The following ARHGAP28 variants were observed in gnomAD, a reference collection of about 807,000 sequenced individuals.
ARHGAP28 encodes the protein rho GTPase-activating protein 28.
Under a neutral mutation model 90.7 loss-of-function variants are expected in ARHGAP28, and 56 were observed. That is an observed-to-expected ratio of 0.62 (90% CI 0.50 to 0.77). The LOEUF is 0.77. Among genes scored for constraint, ARHGAP28 ranks in the 30% least tolerant of loss-of-function variants. ARHGAP28 has a pLI of 0.00. For missense variants in ARHGAP28, 869 were observed against 900.9 expected (o/e 0.96, Z 0.45); for synonymous variants, 308 against 323.3 (o/e 0.95, Z 0.51).
chr18:6,749,661 G>A (rs2056053406), intron 1 of ARHGAP28, among the ~76,000 whole-genome samples: 2 of 152,114 alleles, frequency 1.3e-5, no homozygotes, highest in Admixed American at 6.5e-5. Context: ...GCGAGAGATA[G>A]CTTATATGTA....
chr18:6,827,638 C>A (rs1178233013), intron 2 of ARHGAP28, among the ~76,000 whole-genome samples: 8 of 57,286 alleles, frequency 1.4e-4, no homozygotes, highest in Middle Eastern at 0.011. Context: ...GGCAGGGGGG[C>A]TGACCCCCCC....
intron 3 of ARHGAP28, among the ~76,000 whole-genome samples, chr18:6,841,144 GTCTCTCTCCTCTTTCTCTCTCTCC>G (rs1468927094): frequency 1.2e-5 from 1 of 83,146 alleles, no homozygotes; most frequent in Non-Finnish European, 2.4e-5. Context: ...CTCTCTCACT[GTCTCTCTCCTCTTTCTCTCTCTCC>G]TCTCTCTCTC....
At chr18:6,746,238 G>A (rs2056022138) in intron 1 of ARHGAP28, among the ~76,000 whole-genome samples, 1 of 152,112 alleles carries the variant, frequency 6.6e-6, no homozygotes, top group Admixed American at 6.5e-5. Flanking sequence ...TGTTCTTTAG[G>A]CAGGAAGTCA....
rs551563835 is a variant in ARHGAP28 at position 6,793,603 on chromosome 18, C to T, written c.123-31159C>T. Among the ~76,000 whole-genome samples, 6 of 152,230 alleles carry T rather than the reference C, an allele frequency of 3.9e-5. No homozygotes were observed. The South Asian group carries it at 1.2e-3, about 32-fold the overall frequency. ...CTTTCCCTATTCACCCTTTTCCCTC[C>T]ACCTTCATACATATGTAAAGTCATA... is the stretch of plus-strand genomic sequence containing the variant. On this transcript the variant is annotated intron_variant, in intron 1 of 17. Transcript: ENST00000383472.
chr18:6,766,746 G>A (rs530923445), intron 1 of ARHGAP28, among the ~76,000 whole-genome samples: 2 of 152,134 alleles, frequency 1.3e-5, no homozygotes, highest in Non-Finnish European at 2.9e-5. Context: ...TGTGGCTCCT[G>A]TTTACCTTAA....
intron 1 of ARHGAP28, among the ~76,000 whole-genome samples, chr18:6,776,818 C>T (rs1327521104): frequency 6.6e-6 from 1 of 152,132 alleles, no homozygotes; most frequent in African/African-American, 2.4e-5. Context: ...CTTTCTTAAC[C>T]GCTATAATAT....
intron 3 of ARHGAP28, among the ~76,000 whole-genome samples, chr18:6,839,404 C>A (rs1419900566): frequency 1.3e-5 from 2 of 151,594 alleles, no homozygotes; most frequent in Non-Finnish European, 2.9e-5. Context: ...CGCCATTCTC[C>A]CCCCTCAGCC....
intron 1 of ARHGAP28, among the ~76,000 whole-genome samples, chr18:6,786,548 C>T (rs1050880601): frequency 3.3e-5 from 5 of 152,164 alleles, no homozygotes; most frequent in African/African-American, 4.8e-5. Context: ...TCCAACCACA[C>T]GCCCCCCAGC....
chr18:6,793,025 T>C (rs1052587384), intron 1 of ARHGAP28, among the ~76,000 whole-genome samples: 1 of 152,222 alleles, frequency 6.6e-6, no homozygotes, highest in Admixed American at 6.5e-5. Flanking sequence ...AACTTATTAT[T>C]CTGCATGATT....
chr18:6,825,114 AT>A, intron 2 of ARHGAP28, 150 bp downstream of exon 2: 1 of 817,962 alleles, frequency 1.2e-6, no homozygotes, highest in Non-Finnish European at 1.8e-6. Flanking sequence ...CCACTGATTG[AT>A]TTATATCTAC....
At chr18:6,854,940 G>A (rs763054176) in intron 4 of ARHGAP28, among the ~76,000 whole-genome samples, 8 of 152,146 alleles carry the variant, frequency 5.3e-5, no homozygotes, top group African/African-American at 7.2e-5. Context: ...AACCCCCCAC[G>A]GTGTGCACAT....
At chr18:6,741,008 T>A (rs2055972397) in intron 1 of ARHGAP28, among the ~76,000 whole-genome samples, 1 of 152,200 alleles carries the variant, frequency 6.6e-6, no homozygotes. Flanking sequence ...GCTCCCTGAC[T>A]GGGTATGGAG....
At chr18:6,894,314 GGT>G (rs2057289245) in intron 14 of ARHGAP28, among the ~76,000 whole-genome samples, 1 of 152,134 alleles carries the variant, frequency 6.6e-6, no homozygotes, top group African/African-American at 2.4e-5. Flanking sequence ...CCAACGGCAG[GGT>G]GTGTGTACAG....
At chr18:6,861,555 C>A (rs1014330950) in intron 5 of ARHGAP28, among the ~76,000 whole-genome samples, 1 of 152,128 alleles carries the variant, frequency 6.6e-6, no homozygotes, top group Admixed American at 6.5e-5. Context: ...CTGGCTTTAA[C>A]ACCCCCAGCA....
intron 3 of ARHGAP28, 36 bp downstream of exon 3, chr18:6,837,450 T>G: frequency 3.1e-4 from 408 of 1,315,050 alleles, no homozygotes; most frequent in Non-Finnish European, 3.9e-4. Context: ...AAAAGGCGCC[T>G]AGTTTGACTG....
chr18:6,881,706 C>A (rs928761767), intron 10 of ARHGAP28, among the ~76,000 whole-genome samples: 13 of 152,098 alleles, frequency 8.5e-5, no homozygotes, highest in African/African-American at 2.9e-4. Context: ...TGTTTGTGAA[C>A]TGGCTGAGAG....
intron 1 of ARHGAP28, among the ~76,000 whole-genome samples, chr18:6,809,292 A>C (rs2056539986): frequency 6.6e-6 from 1 of 152,176 alleles, no homozygotes; most frequent in South Asian, 2.1e-4. Context: ...TTGGAAATGG[A>C]AATTCACTTT....
At chr18:6,808,589 C>T (rs908112064) in intron 1 of ARHGAP28, among the ~76,000 whole-genome samples, 3 of 152,000 alleles carry the variant, frequency 2.0e-5, no homozygotes, top group African/African-American at 4.8e-5. Flanking sequence ...GATATTTTTT[C>T]GGGGGTTACA....
At chr18:6,776,502 G>GT (rs1386571672) in intron 1 of ARHGAP28, among the ~76,000 whole-genome samples, 1 of 152,218 alleles carries the variant, frequency 6.6e-6, no homozygotes, top group Non-Finnish European at 1.5e-5. Flanking sequence ...GCTGCTGGCG[G>GT]TAAGACTGCT....
Sources: allele counts gnomAD v4.1 joint callset (sites outside exome capture counted in the v4.1 genomes callset), GRCh38; gene constraint gnomAD v4.1.1; transcripts MANE v1.5; gene names NCBI Gene and HGNC (gene_info 2026-07-23, HGNC 2026-07-21).